AHRR: variants seen among roughly 807,000 people sequenced by gnomAD.
The protein encoded by AHRR is ahR repressor.
AHRR carries 28 observed loss-of-function variants against 44.0 expected under a neutral mutation model. The ratio of observed to expected loss-of-function variants is 0.64; its 90% CI spans 0.47 to 0.87. The LOEUF is 0.87. Among genes scored for constraint, AHRR ranks in the 40% least tolerant of loss-of-function variants. The pLI, the probability that AHRR is intolerant of heterozygous loss-of-function variation, is 0.00. For missense variants in AHRR, 990 were observed against 953.9 expected, an observed-to-expected ratio of 1.04 and a Z score of -0.50; for synonymous variants, 434 against 407.0, an observed-to-expected ratio of 1.07 and a Z score of -0.80.
intron 4 of AHRR, chr5:403,897 G>A (rs1460787459): frequency 6.3e-7 from 1 of 1,586,228 alleles, no homozygotes; most frequent in Non-Finnish European, 8.6e-7. Flanking sequence ...TGGCCTAGAT[G>A]AGAATGTAGC....
At position 432,443 on chromosome 5, in the gene AHRR, T is replaced by G. The variant is rs1282161960; in HGVS notation, c.909-20T>G. On this transcript the variant is annotated intron_variant, in intron 8 of 10. Transcript: ENST00000684583. Reference sequence around the variant, plus strand: ...TTGTTCATCCGTCACATGTCACATGTTCATCTGTGTTCTTCACAGAGTAAA... The same window carrying G: ...TTGTTCATCCGTCACATGTCACATGGTCATCTGTGTTCTTCACAGAGTAAA... The G allele has an allele frequency of 6.2e-7, 1 of 1,613,100 alleles. No individual in the cohort carries two copies. Among genetic ancestry groups the G allele is most frequent in the Admixed American group, 1.7e-5 (1 of 60,002 alleles).
Position 434,443 on chromosome 5 carries a change from C to T in AHRR, c.1703C>T (p.Thr568Ile), listed in dbSNP as rs1242038262. Residue 568 changes from threonine to isoleucine, a missense_variant, in exon 11 of 11, where the codon ACC becomes ATC. Transcript: ENST00000684583. Reference sequence around the variant, plus strand: ...AGGAGCCACCCAGCCACCTTCCCTACCAGGATGCACCTGAAAACAGAGCCA... The same window carrying T: ...AGGAGCCACCCAGCCACCTTCCCTATCAGGATGCACCTGAAAACAGAGCCA... ...SDRSHPATFP[T>I]RMHLKTEPDS... is the part of the protein sequence containing the mutation. 6.2e-7 allele frequency: 1 copy of T among 1,613,524 alleles called. No individual in the cohort carries two copies. The highest frequency in any genetic ancestry group is 1.3e-5 in the African/African-American group (1 of 75,072).
chr5:431,179 C>T (rs1179841543), intron 8 of AHRR, among the ~76,000 whole-genome samples: 4 of 152,186 alleles, frequency 2.6e-5, no homozygotes. Flanking sequence ...TGCGCACAGC[C>T]CTGTCCCGGC....
Position 404,612 on chromosome 5 carries a change from CTG to C in AHRR, c.352-8730_352-8729del, listed in dbSNP as rs1735180264. On this transcript the variant is annotated intron_variant, in intron 4 of 10. Coordinates refer to ENST00000684583, the MANE Select transcript of AHRR (RefSeq NM_001377236.1). The surrounding 1 kb of genome is among the most constrained non-coding windows in gnomAD (Gnocchi z 4.1). ...TTATGTTATGACGGTTTGGAAAAAA[CTG>C]TCATAAAAATTCACTCTCTTGGTTG... The C allele has an allele frequency of 4.6e-6, 1 of 215,406 alleles. No homozygotes were observed. Among genetic ancestry groups the C allele is most frequent in the Non-Finnish European group, 9.4e-6 (1 of 105,958 alleles). 13.3% of individuals were successfully genotyped at this position (215,406 alleles called of 1,614,324 possible). A position where few individuals can be genotyped will look rare whatever the true frequency, so the allele number is the denominator to read the frequency against.
chr5:327,134 G>T (rs575767446), intron 1 of AHRR, among the ~76,000 whole-genome samples: 1 of 152,264 alleles, frequency 6.6e-6, no homozygotes, highest in South Asian at 2.1e-4. Flanking sequence ...TTGTTTACTT[G>T]CATTTCCCTA....
At chr5:424,034 G>T in intron 7 of AHRR, 57 bp downstream of exon 7, 1 of 1,560,494 alleles carries the variant, frequency 6.4e-7, no homozygotes. Flanking sequence ...ATTCTACCCT[G>T]GTGTGGAAGG....
chr5:340,692 T>TA lies in AHRR; in HGVS notation c.-10-3201_-10-3200insA, dbSNP rs1560881664. 2.7e-3 allele frequency among the ~76,000 whole-genome samples: 78 copies of TA among 29,206 alleles called. 1 individual carries two copies. The highest frequency in any genetic ancestry group is 9.4e-3 in the African/African-American group (76 of 8,050). The allele number at this position is 29,206 out of a possible 152,430, so 19.2% of individuals were successfully genotyped here. A position where few individuals can be genotyped will look rare whatever the true frequency, so the allele number is the denominator to read the frequency against. ...TATATATATATATATATATATATTT[T>TA]TTTTTTTTTTTTTTTTTTTTTGAGT... On this transcript the variant is annotated intron_variant, in intron 1 of 10. Coordinates refer to ENST00000684583, the MANE Select transcript of AHRR (RefSeq NM_001377236.1).
intron 3 of AHRR, among the ~76,000 whole-genome samples, chr5:366,577 G>A (rs1743367133): frequency 6.6e-6 from 1 of 152,152 alleles, no homozygotes; most frequent in African/African-American, 2.4e-5. Context: ...AATATCAATT[G>A]GTGCTAAAAT....
chr5:409,456 C>T (rs1051996976), intron 4 of AHRR, among the ~76,000 whole-genome samples: 34 of 152,350 alleles, frequency 2.2e-4, no homozygotes, highest in Admixed American at 8.5e-4. Flanking sequence ...CAATCACACT[C>T]TCTTCCTCGC....
chr5:391,449 C>T (rs375570063), intron 4 of AHRR, among the ~76,000 whole-genome samples: 133 of 67,322 alleles, frequency 2.0e-3, no homozygotes, highest in East Asian at 0.01. Flanking sequence ...GGGCGCAGGG[C>T]GAGGCAGGGC....
At chr5:417,228 A>C (rs1471668165) in intron 5 of AHRR, among the ~76,000 whole-genome samples, 2 of 142,636 alleles carry the variant, frequency 1.4e-5, no homozygotes. Flanking sequence ...GCAGGGCCCG[A>C]GTCTAGAGAA....
chr5:328,693 T>C (rs1741811188), intron 1 of AHRR, among the ~76,000 whole-genome samples: 1 of 152,222 alleles, frequency 6.6e-6, no homozygotes, highest in Admixed American at 6.5e-5. Context: ...AAAAACTGTC[T>C]ATTCATGTCC....
chr5:398,644 G>A (rs574187581), intron 4 of AHRR, among the ~76,000 whole-genome samples: 5 of 152,208 alleles, frequency 3.3e-5, no homozygotes, highest in African/African-American at 7.2e-5. Flanking sequence ...GTGCCAAACC[G>A]GGTTTCAGGC....
chr5:353,194 C>T (rs1742919560), intron 2 of AHRR, among the ~76,000 whole-genome samples: 1 of 152,202 alleles, frequency 6.6e-6, no homozygotes, highest in African/African-American at 2.4e-5. Context: ...ACTCTCCCCT[C>T]AGCCCCAGCA....
intron 1 of AHRR, among the ~76,000 whole-genome samples, chr5:324,861 A>G (rs1364277224): frequency 1.3e-5 from 2 of 152,202 alleles, no homozygotes; most frequent in Non-Finnish European, 2.9e-5. Context: ...GGGAGGGGGT[A>G]GGCAGGCCAG....
chr5:434,169 C>T lies in AHRR; in HGVS notation c.1429C>T (p.His477Tyr), dbSNP rs147880563. The change falls in exon 11 of 11, where the codon CAC becomes TAC. Residue 477 changes from histidine (H) to tyrosine (Y), a missense_variant. His to Tyr is a moderately conservative substitution (Grantham distance 83). Coordinates refer to ENST00000684583, the MANE Select transcript of AHRR (RefSeq NM_001377236.1). ...PMRDVGEDQVHPPLCHFPQRS... is the reference protein window; with the variant it reads ...PMRDVGEDQVYPPLCHFPQRS... Reference sequence around the variant, plus strand: ...GCGGGATGTCGGTGAGGACCAGGTGCACCCTCCCCTCTGCCACTTTCCCCA... The same window carrying T: ...GCGGGATGTCGGTGAGGACCAGGTGTACCCTCCCCTCTGCCACTTTCCCCA... The T allele has an allele frequency of 6.0e-3, 9,619 of 1,601,300 alleles. 53 individuals carry two copies. The highest frequency in any genetic ancestry group is 9.5e-3 in the South Asian group (846 of 88,718).
intron 4 of AHRR, among the ~76,000 whole-genome samples, chr5:390,837 G>A (rs1019295380): frequency 6.6e-6 from 1 of 152,208 alleles, no homozygotes; most frequent in Non-Finnish European, 1.5e-5. Flanking sequence ...GATGCAGGAG[G>A]CCGGGAGGAA....
At chr5:415,733 G>A (rs1250865598) in intron 5 of AHRR, among the ~76,000 whole-genome samples, 4 of 152,138 alleles carry the variant, frequency 2.6e-5, no homozygotes, top group Admixed American at 6.5e-5. Context: ...CCTAGGGGCT[G>A]TGCAGAGCAG....
intron 8 of AHRR, among the ~76,000 whole-genome samples, chr5:429,513 G>C (rs1381512989): frequency 6.6e-6 from 1 of 150,404 alleles, no homozygotes; most frequent in African/African-American, 2.4e-5. Flanking sequence ...CTCAGCCCCC[G>C]GGTCCTTGGC....
Sources: gnomAD v4.1 joint callset for allele counts (sites outside exome capture counted in the v4.1 genomes callset) on GRCh38, gnomAD v4.1.1 for gene constraint, Gnocchi (gnomAD v3.1) non-coding constraint, MANE v1.5 for transcripts, NCBI Gene and HGNC (gene_info 2026-07-23, HGNC 2026-07-21) for gene names.